Variants in HK1 observed in about 807,000 individuals in gnomAD.
HK1 encodes the protein hexokinase 1.
HK1 carries 28 observed loss-of-function variants against 91.6 expected under a neutral mutation model. The ratio of observed to expected loss-of-function variants is 0.31; its 90% CI spans 0.23 to 0.42. The LOEUF is 0.42. HK1 is among the 10% of genes least tolerant of loss of function. The pLI, the probability that HK1 is intolerant of heterozygous loss-of-function variation, is 1.00. For missense variants in HK1, 770 were observed against 1,219.8 expected (o/e 0.63, Z 5.49); for synonymous variants, 430 against 468.1 (o/e 0.92, Z 1.05).
chr10:69,382,743 G>T lies in HK1; in HGVS notation c.1522G>T (p.Val508Leu). The part of the protein sequence containing the change: ...GLRKQTHNNA[V>L]VKMLPSFVRR... ...GAGGAAGCAGACGCACAACAATGCC[G>T]TGGTTAAGATGCTGCCCTCCTTCGT... is the stretch of plus-strand genomic sequence containing the variant. The change falls in exon 10 of 18, where the codon GTG (valine) becomes TTG (leucine). Residue 508 changes from valine to leucine, a missense_variant. Around this residue, in one of 7 missense-constraint regions of HK1, gnomAD observed 48 missense variants for 128.2 expected, o/e 0.37. Transcript: ENST00000359426. 1 of 1,613,250 alleles carries T rather than the reference G, an allele frequency of 6.2e-7. No individual in the cohort carries two copies. Among genetic ancestry groups the T allele is most frequent in the Non-Finnish European group, 8.5e-7 (1 of 1,179,848 alleles).
At chr10:69,335,468 C>T (rs1847929542) in intron 1 of HK1, among the ~76,000 whole-genome samples, 1 of 152,184 alleles carries the variant, frequency 6.6e-6, no homozygotes, top group African/African-American at 2.4e-5. Flanking sequence ...CGGTGATAGC[C>T]CCTGTAGTAC....
At position 69,369,194 on chromosome 10, in the gene HK1, C is replaced by T. The variant is rs371102685; in HGVS notation, c.592-43C>T. 7 of 1,429,830 alleles carry T rather than the reference C, an allele frequency of 4.9e-6. No homozygotes were observed. The African/African-American group carries it at 7.0e-5, about 14-fold the overall frequency. 88.6% of individuals were successfully genotyped at this position (1,429,830 alleles called of 1,614,324 possible). On this transcript the variant is annotated intron_variant, in intron 5 of 17. Coordinates refer to ENST00000359426, the MANE Select transcript of HK1 (RefSeq NM_000188.3). This position sits in a 1 kb window ranked among gnomAD's most constrained non-coding sequence, Gnocchi z 4.4. ...GCTGTTAAGGTGTGTGATCTCTGCT[C>T]CCATGTGTGAGTGGACAATGACACC...
At chr10:69,341,676 G>A (rs956444618) in intron 1 of HK1, among the ~76,000 whole-genome samples, 4 of 151,816 alleles carry the variant, frequency 2.6e-5, no homozygotes, top group African/African-American at 2.4e-5. Flanking sequence ...GGCTAATCTC[G>A]AACTCCTGGG....
intron 7 of HK1, among the ~76,000 whole-genome samples, chr10:69,374,534 C>T (rs972162636): frequency 6.6e-5 from 10 of 152,248 alleles, no homozygotes; most frequent in Non-Finnish European, 4.4e-5. Context: ...TGCTCGATTT[C>T]ATTAATTTCA....
At chr10:69,355,925 C>T (rs1222309789) in intron 2 of HK1, among the ~76,000 whole-genome samples, 1 of 152,002 alleles carries the variant, frequency 6.6e-6, no homozygotes, top group Non-Finnish European at 1.5e-5. Flanking sequence ...ACTGGATATC[C>T]ACATGCAAAA....
At chr10:69,344,818 C>T (rs1018623119) in intron 2 of HK1, among the ~76,000 whole-genome samples, 4 of 149,216 alleles carry the variant, frequency 2.7e-5, no homozygotes, top group Non-Finnish European at 6.0e-5. Flanking sequence ...AGCGTGGCGC[C>T]CTCACAGGAA....
At chr10:69,276,118 A>AAAAAAAAAATATAT in intron 1 of HK1, among the ~76,000 whole-genome samples, 10 of 38,272 alleles carry the variant, frequency 2.6e-4, no homozygotes, top group African/African-American at 5.3e-4. Flanking sequence ...AAAAAAAAAA[A>AAAAAAAAAATATAT]ATACATATAT....
chr10:69,329,854 C>T, intron 1 of HK1, among the ~76,000 whole-genome samples: 1 of 152,060 alleles, frequency 6.6e-6, no homozygotes, highest in East Asian at 1.9e-4. Flanking sequence ...TGCTGCCTCA[C>T]CCCCAGCCCC....
chr10:69,362,758 C>T (rs77955664), intron 3 of HK1, among the ~76,000 whole-genome samples: 3,325 of 152,246 alleles, frequency 0.022, 60 homozygotes, highest in South Asian at 0.038. Flanking sequence ...CTGGAGCCTC[C>T]GAGTGCAGAT....
At chr10:69,387,468 G>A (rs1478065870) in intron 13 of HK1, among the ~76,000 whole-genome samples, 1 of 152,034 alleles carries the variant, frequency 6.6e-6, no homozygotes, top group African/African-American at 2.4e-5. Flanking sequence ...TGTGTTTTTG[G>A]TAAAGATGGT....
At chr10:69,351,541 C>CA (rs150964944) in intron 2 of HK1, among the ~76,000 whole-genome samples, 20,059 of 151,904 alleles carry the variant, frequency 0.13, 1,497 homozygotes, top group South Asian at 0.27. Flanking sequence ...AAAAACAAAA[C>CA]AAAAAAACCC....
chr10:69,287,975 CAA>C (rs35699014), intron 2 of HK1, among the ~76,000 whole-genome samples: 65 of 115,864 alleles, frequency 5.6e-4, no homozygotes, highest in Admixed American at 6.3e-4. Context: ...ACTGTGTCTA[CAA>C]AAAAAAAAAA....
chr10:69,315,239 T>C (rs370254515), upstream of HK1, among the ~76,000 whole-genome samples: 1 of 152,250 alleles, frequency 6.6e-6, no homozygotes, highest in Non-Finnish European at 1.5e-5. Flanking sequence ...ATTCAGAGTG[T>C]GCTCCCAGGT....
intron 1 of HK1, among the ~76,000 whole-genome samples, chr10:69,279,149 C>T (rs1844609998): frequency 6.6e-6 from 1 of 152,158 alleles, no homozygotes; most frequent in South Asian, 2.1e-4. Flanking sequence ...CTTCACAGGC[C>T]TAGGGAGCAC....
chr10:69,372,929 C>T (rs1038165856), intron 7 of HK1, among the ~76,000 whole-genome samples: 25 of 151,892 alleles, frequency 1.6e-4, no homozygotes, highest in African/African-American at 5.8e-4. Flanking sequence ...AGTGCAATGG[C>T]GCAATCTCAG....
At chr10:69,357,033 T>A (rs1427821254) in intron 2 of HK1, among the ~76,000 whole-genome samples, 4 of 151,934 alleles carry the variant, frequency 2.6e-5, no homozygotes, top group Non-Finnish European at 5.9e-5. Context: ...GATAAAGAAG[T>A]CAGACTGTAA....
chr10:69,325,953 G>C (rs1489735382), intron 1 of HK1, among the ~76,000 whole-genome samples: 1 of 151,016 alleles, frequency 6.6e-6, no homozygotes, highest in African/African-American at 2.4e-5. Flanking sequence ...TTCTGCCTCA[G>C]CCTCCCTAGT....
chr10:69,305,618 G>A (rs1268763309), intron 5 of HK1, among the ~76,000 whole-genome samples: 2 of 152,084 alleles, frequency 1.3e-5, no homozygotes, highest in Non-Finnish European at 2.9e-5. Context: ...ACTTTGGGAG[G>A]CCAAGGCAGG....
chr10:69,399,737 G>A (rs541837231), intron 17 of HK1, among the ~76,000 whole-genome samples: 3 of 152,142 alleles, frequency 2.0e-5, no homozygotes, highest in African/African-American at 7.2e-5. Flanking sequence ...CTTATGAATA[G>A]GGTGACCATA....
Sources: gnomAD v4.1 joint callset for allele counts (sites outside exome capture counted in the v4.1 genomes callset) on GRCh38, gnomAD v4.1.1 for gene constraint, gnomAD v4.1.1 regional missense constraint, Gnocchi (gnomAD v3.1) non-coding constraint, MANE v1.5 for transcripts, NCBI Gene and HGNC (gene_info 2026-07-23, HGNC 2026-07-21) for gene names.